Variants in WDR27 observed in about 807,000 individuals in gnomAD.
WDR27 encodes the protein WD repeat domain 27.
In WDR27, 100 loss-of-function variants were observed where a neutral mutation model predicts 114.4. That is an observed-to-expected ratio of 0.87 (90% confidence interval 0.74 to 1.03). The LOEUF (loss-of-function observed/expected upper bound fraction) is 1.03, where lower values mean the gene tolerates loss of function less well. Among genes scored for constraint, WDR27 ranks in the 50% least tolerant of loss-of-function variants. WDR27 has a pLI of 0.00. For synonymous variants in WDR27, 449 were observed against 423.1 expected, an observed-to-expected ratio of 1.06 and a Z score of -0.75; for missense variants, 1,129 against 1,092.9, an observed-to-expected ratio of 1.03 and a Z score of -0.47.
At chr6:169,550,484 A>G (rs1797953524) in intron 25 of WDR27, among the ~76,000 whole-genome samples, 1 of 152,114 alleles carries the variant, frequency 6.6e-6, no homozygotes, top group African/African-American at 2.4e-5. Flanking sequence ...CAGTGGCACA[A>G]TCTCGGCTCA....
At chr6:169,643,866 A>G in intron 16 of WDR27, 80 bp from the exon 17 acceptor site, 1 of 1,132,996 alleles carries the variant, frequency 8.8e-7, no homozygotes, top group Non-Finnish European at 1.3e-6. Context: ...CCTAGTTCAC[A>G]GGAGTCACAC....
intron 25 of WDR27, among the ~76,000 whole-genome samples, chr6:169,495,122 TGATA>T (rs1790234370): frequency 6.6e-6 from 1 of 151,782 alleles, no homozygotes. Context: ...AGATGGTAGG[TGATA>T]GATGGTAGAC....
intron 21 of WDR27, among the ~76,000 whole-genome samples, chr6:169,618,322 CA>C (rs1170340185): frequency 6.6e-6 from 1 of 151,974 alleles, no homozygotes; most frequent in Non-Finnish European, 1.5e-5. Flanking sequence ...ATATTTTATT[CA>C]GAGGCAGGCA....
At chr6:169,665,420 C>A (rs1827561611) in intron 7 of WDR27, 66 bp downstream of exon 7, 2 of 1,561,778 alleles carry the variant, frequency 1.3e-6, no homozygotes, top group Admixed American at 2.0e-5. Flanking sequence ...AAGACAAAGA[C>A]CTTTGTGTAC....
At chr6:169,623,640 C>T (rs1813905931) in intron 21 of WDR27, among the ~76,000 whole-genome samples, 1 of 152,180 alleles carries the variant, frequency 6.6e-6, no homozygotes, top group Non-Finnish European at 1.5e-5. Flanking sequence ...GGGGGAGCAT[C>T]AACAACCCAC....
intron 5 of WDR27, chr6:169,667,453 A>C: frequency 1.1e-6 from 1 of 934,862 alleles, no homozygotes; most frequent in Non-Finnish European, 1.3e-6. Context: ...AAGGTGAAAA[A>C]CAGTTCCCAG....
intron 25 of WDR27, among the ~76,000 whole-genome samples, chr6:169,478,602 T>C (rs969419513): frequency 6.6e-6 from 1 of 152,088 alleles, no homozygotes; most frequent in African/African-American, 2.4e-5. Flanking sequence ...ATCACACACC[T>C]TATGTGCCAC....
intron 20 of WDR27, among the ~76,000 whole-genome samples, chr6:169,633,833 A>G (rs146800034): frequency 5.8e-4 from 89 of 152,348 alleles, no homozygotes; most frequent in African/African-American, 2.0e-3. Context: ...GCATGAAATT[A>G]CCACGTTTCT....
At chr6:169,589,053 C>G (rs9295017) in intron 23 of WDR27, among the ~76,000 whole-genome samples, 73,856 of 152,066 alleles carry the variant, frequency 0.49, 21,601 homozygotes, top group Non-Finnish European at 0.67. Flanking sequence ...CAAATTCCCT[C>G]TAATCTCACA....
At chr6:169,583,192 A>G (rs952717505) in intron 23 of WDR27, among the ~76,000 whole-genome samples, 2 of 151,554 alleles carry the variant, frequency 1.3e-5, no homozygotes, top group East Asian at 3.9e-4. Flanking sequence ...AAAAACCTCT[A>G]TAGTACCCTG....
At chr6:169,700,415 C>T in intron 1 of WDR27, among the ~76,000 whole-genome samples, 1 of 152,232 alleles carries the variant, frequency 6.6e-6, no homozygotes. Flanking sequence ...TTCCACTAAG[C>T]CACTTCCCTT....
intron 1 of WDR27, among the ~76,000 whole-genome samples, chr6:169,691,204 G>A (rs887505595): frequency 4.6e-5 from 7 of 152,068 alleles, no homozygotes; most frequent in Admixed American, 4.6e-4. Context: ...AACAGAGCGA[G>A]ACTCTGTCTC....
chr6:169,605,125 GTT>G (rs67824873), intron 22 of WDR27, among the ~76,000 whole-genome samples: 17 of 85,874 alleles, frequency 2.0e-4, no homozygotes, highest in South Asian at 5.4e-4. Flanking sequence ...AAAAAAAAAA[GTT>G]TTTTTTTTTT....
chr6:169,660,584 C>T (rs1825793220), intron 10 of WDR27, 79 bp downstream of exon 10: 2 of 1,249,688 alleles, frequency 1.6e-6, no homozygotes, highest in Non-Finnish European at 1.2e-6. Context: ...AAGGCCTTCT[C>T]CACAAACACT....
chr6:169,462,866 T>C (rs1373233939), intron 25 of WDR27, among the ~76,000 whole-genome samples: 3 of 152,160 alleles, frequency 2.0e-5, no homozygotes, highest in African/African-American at 4.8e-5. Context: ...AAAACCCACA[T>C]GATCATCTCA....
rs1583869128 is a variant in WDR27 at position 169,510,000 on chromosome 6, C to T, written c.2646-52366G>A. 3.3e-5 allele frequency among the ~76,000 whole-genome samples: 5 copies of T among 152,330 alleles called. No homozygotes were observed. In the South Asian group the frequency reaches 6.2e-4, roughly 19 times the overall value. Reference sequence around the variant, plus strand: ...TGAACAGATACTTTTCAAAAGAAGACATTTATGCAGCCAAAAAACACATGA... The same window carrying T: ...TGAACAGATACTTTTCAAAAGAAGATATTTATGCAGCCAAAAAACACATGA... On this transcript the variant is annotated intron_variant, in intron 25 of 25. Coordinates refer to ENST00000448612, the MANE Select transcript of WDR27 (RefSeq NM_182552.5).
chr6:169,582,805 G>A (rs1440034411), intron 24 of WDR27, 31 bp downstream of exon 24: 1 of 1,564,438 alleles, frequency 6.4e-7, no homozygotes, highest in Non-Finnish European at 8.8e-7. Context: ...GTATGCAGCA[G>A]AGGCGCCCCA....
intron 1 of WDR27, 34 bp from the exon 2 acceptor site, chr6:169,689,046 G>T: frequency 6.7e-7 from 1 of 1,495,876 alleles, no homozygotes; most frequent in Non-Finnish European, 9.0e-7. Flanking sequence ...GATGACTATA[G>T]GTATCATATT....
At chr6:169,428,600 CG>C in the WDR27 span, among the ~76,000 whole-genome samples, 194 of 4,406 alleles carry the variant, frequency 0.044, 3 homozygotes, top group African/African-American at 0.11. Context: ...GGGACGGTGG[CG>C]GGGGGGAGGG....
Sources: allele counts gnomAD v4.1 joint callset (sites outside exome capture counted in the v4.1 genomes callset), GRCh38; gene constraint gnomAD v4.1.1; transcripts MANE v1.5; gene names NCBI Gene and HGNC (gene_info 2026-07-23, HGNC 2026-07-21).